Variants in CCDC186 observed in about 807,000 individuals in gnomAD.
CCDC186 encodes coiled-coil domain containing 186.
In CCDC186, 49 loss-of-function variants were observed where a neutral mutation model predicts 113.7. The observed-to-expected ratio is 0.43, with a 90% CI of 0.34 to 0.55. The LOEUF (loss-of-function observed/expected upper bound fraction) is 0.55, where lower values mean the gene tolerates loss of function less well. Ranked by LOEUF, CCDC186 falls within the 20% of genes least tolerant of loss-of-function variation. CCDC186 has a pLI of 0.02. For missense variants in CCDC186, 890 were observed against 1,011.1 expected (o/e 0.88, Z 1.62); for synonymous variants, 355 against 345.8 (o/e 1.03, Z -0.30).
At chr10:114,157,801 A>T in intron 2 of CCDC186, 121 bp from the exon 3 acceptor site, 3 of 729,188 alleles carry the variant, frequency 4.1e-6, no homozygotes, top group Non-Finnish European at 6.2e-6. Context: ...TTATGTTAAT[A>T]AATTAACATT....
intron 3 of CCDC186, among the ~76,000 whole-genome samples, chr10:114,152,725 G>A (rs1042998978): frequency 1.3e-5 from 2 of 152,044 alleles, no homozygotes; most frequent in Non-Finnish European, 2.9e-5. Flanking sequence ...AAAGAAACAA[G>A]ATTCAACTAT....
intron 6 of CCDC186, among the ~76,000 whole-genome samples, chr10:114,141,781 C>A (rs2031476836): frequency 6.6e-6 from 1 of 152,156 alleles, no homozygotes; most frequent in South Asian, 2.1e-4. Context: ...ATTTTGAACT[C>A]TATCTCCTCA....
intron 3 of CCDC186, among the ~76,000 whole-genome samples, chr10:114,155,008 T>C (rs1051123397): frequency 6.6e-6 from 1 of 152,222 alleles, no homozygotes; most frequent in African/African-American, 2.4e-5. Context: ...ATAATTCCAT[T>C]TATATGAAAC....
intron 14 of CCDC186, 41 bp from the exon 15 acceptor site, chr10:114,126,146 A>T (rs558183099): frequency 1.3e-6 from 2 of 1,520,906 alleles, no homozygotes; most frequent in Non-Finnish European, 1.8e-6. Context: ...TACTTGTAGA[A>T]TTAAAAAAAA....
At chr10:114,149,514 G>A (rs2031746644) in intron 4 of CCDC186, among the ~76,000 whole-genome samples, 1 of 145,186 alleles carries the variant, frequency 6.9e-6, no homozygotes, top group East Asian at 2.1e-4. Flanking sequence ...GCTTCGAAGA[G>A]TTTTAGGAAG....
At chr10:114,154,332 G>C (rs949729910) in intron 3 of CCDC186, among the ~76,000 whole-genome samples, 2 of 150,796 alleles carry the variant, frequency 1.3e-5, no homozygotes, top group Non-Finnish European at 3.0e-5. Context: ...GAAGAAAAAA[G>C]AAAGATGACT....
At chr10:114,142,464 G>A (rs1227427173) in intron 6 of CCDC186, among the ~76,000 whole-genome samples, 1 of 152,244 alleles carries the variant, frequency 6.6e-6, no homozygotes, top group African/African-American at 2.4e-5. Flanking sequence ...ATATCAGGTA[G>A]GTGAATAAGT....
rs1564918989 is a variant in CCDC186 at position 114,164,108 on chromosome 10, AT to A, written c.-61-780del. On this transcript the variant is annotated intron_variant, in intron 1 of 15. Transcript: ENST00000369287. ...TGTGTGTGTGTGTGTGTGTGTATAT[AT>A]ATATATTTTTTTTTTTTTTTTTTTT... is the stretch of plus-strand genomic sequence containing the variant. 2.2e-4 allele frequency among the ~76,000 whole-genome samples: 20 copies of A among 92,984 alleles called. No homozygotes were observed. In the East Asian group the frequency reaches 4.7e-3, roughly 22 times the overall value. The allele number at this position is 92,984 out of a possible 152,430, so 61.0% of individuals were successfully genotyped here. A position where few individuals can be genotyped will look rare whatever the true frequency, so the allele number is the denominator to read the frequency against.
chr10:114,144,538 A>G lies in CCDC186; in HGVS notation c.1180T>C (p.Trp394Arg). The G allele has an allele frequency of 6.2e-7, 1 of 1,613,178 alleles. No individual in the cohort carries two copies. Among genetic ancestry groups the G allele is most frequent in the Non-Finnish European group, 8.5e-7 (1 of 1,179,450 alleles). Residue 394 changes from tryptophan (W) to arginine (R), a missense_variant, in exon 6 of 16, where the codon TGG becomes CGG. By Grantham distance (101) the Trp-to-Arg change is moderately radical (BLOSUM62 -3). Transcript: ENST00000369287. ...DINSHVIKVK[W>R]AQNKLKAEMD... ...TCAGCTTTTAATTTGTTTTGTGCCC[A>G]CTTTACTTTGATGACGTGAGAGTTA...
intron 1 of CCDC186, among the ~76,000 whole-genome samples, chr10:114,171,506 A>G (rs1252983633): frequency 6.6e-6 from 1 of 152,198 alleles, no homozygotes; most frequent in Non-Finnish European, 1.5e-5. Flanking sequence ...AATTATGATC[A>G]TACCACTATA....
chr10:114,165,718 G>C (rs1265443028), intron 1 of CCDC186, among the ~76,000 whole-genome samples: 1 of 151,694 alleles, frequency 6.6e-6, no homozygotes, highest in African/African-American at 2.4e-5. Flanking sequence ...CATTATGGTG[G>C]GTGCCTGTAA....
At chr10:114,130,611 G>C (rs576025720) in intron 12 of CCDC186, 2 of 152,052 alleles carry the variant, frequency 1.3e-5, no homozygotes, top group African/African-American at 4.8e-5. Flanking sequence ...GAGTTAAGTC[G>C]CAACGATTTC....
At chr10:114,164,779 C>T (rs1357170199) in intron 1 of CCDC186, among the ~76,000 whole-genome samples, 1 of 152,092 alleles carries the variant, frequency 6.6e-6, no homozygotes, top group Non-Finnish European at 1.5e-5. Context: ...ACAAAACATG[C>T]ATGGTTACAT....
Position 114,169,234 on chromosome 10 carries a change from C to CTTTT in CCDC186, c.-62+4777_-62+4780dup, listed in dbSNP as rs34677282. ...TTAAATTATAAACTGTAGTACCATT[C>CTTTT]TTTTTTTTTTTTTTTTTTTTTTTTC... On this transcript the variant is annotated intron_variant, in intron 1 of 15. Transcript: ENST00000369287. Among the ~76,000 whole-genome samples the CTTTT allele has an allele frequency of 3.6e-3, 351 of 97,350 alleles. 1 individual carries two copies. Among genetic ancestry groups the CTTTT allele is most frequent in the Middle Eastern group, 6.8e-3 (1 of 146 alleles). 63.9% of individuals were successfully genotyped at this position (97,350 alleles called of 152,430 possible).
rs776828592 is a variant in CCDC186, at chr10:114,163,257, T to C, written c.12A>G (p.Thr4=). Residue 4 remains threonine, a synonymous_variant, in exon 2 of 16, where the codon ACA becomes ACG. Coordinates refer to ENST00000369287, the MANE Select transcript of CCDC186 (RefSeq NM_018017.4). Reference sequence around the variant, plus strand: ...CAGAGGAAGTAGAGGCTATGTGGTCTGTCTCTGACATGCTGACTGGCACCA... The same window carrying C: ...CAGAGGAAGTAGAGGCTATGTGGTCCGTCTCTGACATGCTGACTGGCACCA... MSE[T]DHIASTSSDK... is the part of the protein sequence containing the mutation. The C allele has an allele frequency of 6.2e-7, 1 of 1,610,166 alleles. No individual in the cohort carries two copies. The highest frequency in any genetic ancestry group is 8.5e-7 in the Non-Finnish European group (1 of 1,179,676).
At chr10:114,134,774 A>T in intron 10 of CCDC186, 139 bp downstream of exon 10, 1 of 890,490 alleles carries the variant, frequency 1.1e-6, no homozygotes, top group African/African-American at 1.7e-5. Context: ...AGAAGTTCAG[A>T]TAAAGAGAAA....
chr10:114,126,147 T>A, intron 14 of CCDC186, 42 bp from the exon 15 acceptor site: 2 of 1,517,534 alleles, frequency 1.3e-6, no homozygotes, highest in Non-Finnish European at 1.8e-6. Context: ...ACTTGTAGAA[T>A]TAAAAAAAAT....
At chr10:114,157,809 A>G (rs891347746) in intron 2 of CCDC186, 129 bp from the exon 3 acceptor site, 2 of 699,324 alleles carry the variant, frequency 2.9e-6, no homozygotes, top group African/African-American at 1.9e-5. Context: ...ATAAATTAAC[A>G]TTCCTAAATA....
At chr10:114,147,386 A>ACTTG (rs1212890143) in intron 4 of CCDC186, among the ~76,000 whole-genome samples, 2 of 152,192 alleles carry the variant, frequency 1.3e-5, no homozygotes, top group Non-Finnish European at 2.9e-5. Context: ...GGAAGGGTAA[A>ACTTG]AGATGCTATA....
Sources: gnomAD v4.1 joint callset for allele counts (sites outside exome capture counted in the v4.1 genomes callset) on GRCh38, gnomAD v4.1.1 for gene constraint, MANE v1.5 for transcripts, NCBI Gene and HGNC (gene_info 2026-07-23, HGNC 2026-07-21) for gene names.